The following DIAPH3 variants were observed in gnomAD, a reference collection of about 807,000 sequenced individuals.
DIAPH3 encodes the protein diaphanous related formin 3.
DIAPH3 carries 117 observed loss-of-function variants against 144.3 expected under a neutral mutation model. The ratio of observed to expected loss-of-function variants is 0.81; its 90% CI spans 0.70 to 0.95. The LOEUF (loss-of-function observed/expected upper bound fraction) is 0.95. Among genes scored for constraint, DIAPH3 ranks in the 40% least tolerant of loss-of-function variants. The probability of loss-of-function intolerance (pLI) is 0.00; values close to 1 mark genes in which losing one functional copy is unlikely to be tolerated. For synonymous variants in DIAPH3, 519 were observed against 488.9 expected (o/e 1.06, Z -0.81); for missense variants, 1,421 against 1,412.7 (o/e 1.01, Z -0.09).
chr13:59,986,918 G>A (rs919517383), intron 12 of DIAPH3, among the ~76,000 whole-genome samples: 3 of 149,436 alleles, frequency 2.0e-5, no homozygotes, highest in Non-Finnish European at 3.0e-5. Flanking sequence ...TCAGTGTGGC[G>A]ATTCCTCAGG....
intron 27 of DIAPH3, among the ~76,000 whole-genome samples, chr13:59,714,796 C>T (rs2034964256): frequency 1.3e-5 from 2 of 152,066 alleles, no homozygotes; most frequent in African/African-American, 4.8e-5. Context: ...CTAACTGGGC[C>T]CTGAGGGAGC....
In DIAPH3 at chr13:59,928,936, G is replaced by A. The variant is rs1433897738; in HGVS notation, c.2075-4066C>T. ...GTGATCGTATGGCAGTCCCACACTG[G>A]AGGTGGCGAGGTCGCTATTGGACAA... On this transcript the variant is annotated intron_variant, in intron 17 of 27. Transcript: ENST00000400324. 2.6e-5 allele frequency among the ~76,000 whole-genome samples: 4 copies of A among 152,278 alleles called. No individual in the cohort carries two copies. The South Asian group carries it at 6.2e-4, about 24-fold the overall frequency.
chr13:60,043,740 A>G (rs2055860307), intron 4 of DIAPH3, among the ~76,000 whole-genome samples: 1 of 152,208 alleles, frequency 6.6e-6, no homozygotes, highest in Non-Finnish European at 1.5e-5. Context: ...ATGAAAGAAG[A>G]ATAAGAGATT....
intron 22 of DIAPH3, among the ~76,000 whole-genome samples, chr13:59,839,942 T>C (rs2139771689): frequency 1.3e-5 from 2 of 152,286 alleles, no homozygotes; most frequent in Middle Eastern, 6.8e-3. Context: ...TAATGACAAA[T>C]GTCAAGCTTT....
At chr13:59,748,923 G>T (rs1039106517) in intron 27 of DIAPH3, among the ~76,000 whole-genome samples, 1 of 152,058 alleles carries the variant, frequency 6.6e-6, no homozygotes, top group African/African-American at 2.4e-5. Flanking sequence ...TGTTTCAAAA[G>T]TAAAGCCAGG....
intron 1 of DIAPH3, among the ~76,000 whole-genome samples, chr13:60,154,106 G>A (rs998371174): frequency 1.3e-5 from 2 of 152,006 alleles, no homozygotes; most frequent in Non-Finnish European, 2.9e-5. Flanking sequence ...GAAATAGCCT[G>A]GTTCAATTAA....
At chr13:59,730,703 T>C (rs2792376) in intron 27 of DIAPH3, among the ~76,000 whole-genome samples, 101,528 of 152,028 alleles carry the variant, frequency 0.67, 34,207 homozygotes, top group East Asian at 0.72. Context: ...GCCTTGCACT[T>C]AAAACACTCT....
At chr13:59,692,556 T>G (rs1442247368) in intron 27 of DIAPH3, among the ~76,000 whole-genome samples, 1 of 152,034 alleles carries the variant, frequency 6.6e-6, no homozygotes, top group Non-Finnish European at 1.5e-5. Context: ...AAGGTGACAA[T>G]GTTATAGTCA....
At chr13:59,884,162 T>C (rs1265471067) in intron 20 of DIAPH3, among the ~76,000 whole-genome samples, 1 of 152,104 alleles carries the variant, frequency 6.6e-6, no homozygotes. Flanking sequence ...GAGAACCCTG[T>C]TGTGAACTAT....
chr13:59,786,736 T>A (rs1009000868), intron 25 of DIAPH3, among the ~76,000 whole-genome samples: 8 of 152,156 alleles, frequency 5.3e-5, no homozygotes, highest in Non-Finnish European at 1.0e-4. Context: ...ACACTAGTCC[T>A]ATAAGAAGCT....
chr13:59,721,312 G>T (rs572337685), intron 27 of DIAPH3, among the ~76,000 whole-genome samples: 1 of 152,086 alleles, frequency 6.6e-6, no homozygotes, highest in Non-Finnish European at 1.5e-5. Context: ...GATTGATAGG[G>T]ATATGTAACT....
chr13:59,789,656 G>A (rs553451248), intron 25 of DIAPH3, among the ~76,000 whole-genome samples: 17 of 152,268 alleles, frequency 1.1e-4, no homozygotes, highest in East Asian at 5.8e-4. Flanking sequence ...CTGGAACACC[G>A]TATGATGCCC....
chr13:59,897,128 G>A (rs914250993), intron 20 of DIAPH3, among the ~76,000 whole-genome samples: 2 of 152,172 alleles, frequency 1.3e-5, no homozygotes, highest in Non-Finnish European at 2.9e-5. Context: ...GTAGAGGAGA[G>A]CATCTGAGTA....
chr13:60,061,524 C>T (rs888789872), intron 4 of DIAPH3, among the ~76,000 whole-genome samples: 1 of 147,728 alleles, frequency 6.8e-6, no homozygotes, highest in Non-Finnish European at 1.5e-5. Context: ...CTTCTCAGTT[C>T]TACCATAACA....
intron 4 of DIAPH3, among the ~76,000 whole-genome samples, chr13:60,070,404 T>C (rs919028013): frequency 6.6e-6 from 1 of 152,124 alleles, no homozygotes; most frequent in Admixed American, 6.6e-5. Flanking sequence ...TATTTGTCTT[T>C]TGCCTGTGCT....
intron 25 of DIAPH3, among the ~76,000 whole-genome samples, chr13:59,777,819 G>A (rs191187877): frequency 1.1e-3 from 169 of 152,194 alleles, no homozygotes; most frequent in Admixed American, 3.5e-3. Flanking sequence ...AAAGAGAGAA[G>A]AAAAGGCTAG....
At chr13:59,752,627 CA>C (rs1324993787) in intron 27 of DIAPH3, among the ~76,000 whole-genome samples, 1 of 152,154 alleles carries the variant, frequency 6.6e-6, no homozygotes, top group East Asian at 1.9e-4. Context: ...CTTGGACTTC[CA>C]AAGTGCTGGG....
intron 4 of DIAPH3, among the ~76,000 whole-genome samples, chr13:60,061,501 T>C (rs997475151): frequency 6.6e-6 from 1 of 151,080 alleles, no homozygotes; most frequent in African/African-American, 2.4e-5. Context: ...CAGGTGGACA[T>C]GAATAAATAC....
intron 25 of DIAPH3, among the ~76,000 whole-genome samples, chr13:59,792,546 G>T (rs1045565720): frequency 1.3e-5 from 2 of 152,058 alleles, no homozygotes; most frequent in African/African-American, 4.8e-5. Flanking sequence ...TCCCATCACC[G>T]ACTTCCTTGG....
Sources: allele counts gnomAD v4.1 joint callset (sites outside exome capture counted in the v4.1 genomes callset), GRCh38; gene constraint gnomAD v4.1.1; transcripts MANE v1.5; gene names NCBI Gene and HGNC (gene_info 2026-07-23, HGNC 2026-07-21).